GRAP2: variants seen among roughly 807,000 people sequenced by gnomAD.
The protein encoded by GRAP2 is GRB2 related adaptor protein 2.
In GRAP2, 31 loss-of-function variants were observed where a neutral mutation model predicts 43.5. The ratio of observed to expected loss-of-function variants is 0.71; its 90% confidence interval spans 0.54 to 0.96. The LOEUF (loss-of-function observed/expected upper bound fraction) is 0.96, where lower values mean the gene tolerates loss of function less well. Ranked by LOEUF, GRAP2 falls within the 40% of genes least tolerant of loss-of-function variation. GRAP2 has a pLI of 0.00. For synonymous variants in GRAP2, 156 were observed against 164.8 expected (o/e 0.95, Z 0.41); for missense variants, 371 against 424.4 (o/e 0.87, Z 1.11).
At chr22:39,896,209 TC>T (rs1328509690), upstream of GRAP2, among the ~76,000 whole-genome samples, 1 of 152,202 alleles carries the variant, frequency 6.6e-6, no homozygotes, top group Non-Finnish European at 1.5e-5. Context: ...TTCTGATAGT[TC>T]AGGCAATAAG....
chr22:39,971,415 A>T lies in GRAP2; in HGVS notation c.*331A>T, dbSNP rs1471918591. 1 of 298,772 alleles carries T rather than the reference A, an allele frequency of 3.3e-6. No homozygotes were observed. The highest frequency in any genetic ancestry group is 6.1e-6 in the Non-Finnish European group (1 of 162,834). 18.5% of individuals were successfully genotyped at this position (298,772 alleles called of 1,614,324 possible). The stretch of plus-strand genomic sequence containing the variant: ...TCACTGCTTCCTCCTTGTCTTGGGA[A>T]TTTTCACGGAGAACAGCTAAGCAGA... On this transcript the variant is annotated 3_prime_UTR_variant, in exon 8 of 8. Transcript: ENST00000344138.
rs143987008 is a variant in GRAP2 at position 39,970,757 on chromosome 22, C to CA, written c.814-141dup. 4.2e-3 allele frequency: 2,736 copies of CA among 647,974 alleles called. 58 individuals are homozygous for CA. In the African/African-American group the frequency reaches 0.046, roughly 11 times the overall value. 40.1% of individuals were successfully genotyped at this position (647,974 alleles called of 1,614,324 possible). A position where few individuals can be genotyped will look rare whatever the true frequency, so the allele number is the denominator to read the frequency against. ...GCAACATAGCAAGACCCCATCTCTA[C>CA]AAAAAAAGTTTTTTTAAGCTGCAGA... On this transcript the variant is annotated intron_variant, in intron 7 of 7. Transcript: ENST00000344138.
chr22:39,954,200 G>C (rs1197528750), intron 2 of GRAP2, among the ~76,000 whole-genome samples: 1 of 152,116 alleles, frequency 6.6e-6, no homozygotes, highest in Non-Finnish European at 1.5e-5. Context: ...TATCAGTTAA[G>C]ATATTTTCAG....
chr22:39,961,656 A>T (rs1374271613), intron 4 of GRAP2, among the ~76,000 whole-genome samples: 4 of 152,234 alleles, frequency 2.6e-5, no homozygotes, highest in Admixed American at 2.6e-4. Flanking sequence ...TGTGGTCAGC[A>T]TGTTGAGGAT....
chr22:39,967,872 T>A (rs1054045584), intron 5 of GRAP2, among the ~76,000 whole-genome samples, 170 bp from the exon 6 acceptor site: 9 of 152,200 alleles, frequency 5.9e-5, no homozygotes, highest in Admixed American at 4.6e-4. Flanking sequence ...AGAGGCCACT[T>A]TGGAAAATGT....
At chr22:39,915,948 A>G (rs1251450353) in intron 1 of GRAP2, among the ~76,000 whole-genome samples, 1 of 152,158 alleles carries the variant, frequency 6.6e-6, no homozygotes, top group Non-Finnish European at 1.5e-5. Context: ...AGCTGAGAGC[A>G]TACACTCTCT....
At chr22:39,911,490 C>CT (rs1353292012) in intron 1 of GRAP2, among the ~76,000 whole-genome samples, 4 of 151,956 alleles carry the variant, frequency 2.6e-5, no homozygotes, top group Non-Finnish European at 5.9e-5. Flanking sequence ...CTTTAAAAGA[C>CT]TTACCAAGCT....
chr22:39,967,013 C>T (rs2067181824), intron 5 of GRAP2, among the ~76,000 whole-genome samples: 1 of 150,252 alleles, frequency 6.7e-6, no homozygotes, highest in Non-Finnish European at 1.5e-5. Flanking sequence ...CACACACACA[C>T]ACCAATTTAT....
chr22:39,913,668 C>T (rs1165756176), intron 1 of GRAP2, among the ~76,000 whole-genome samples: 1 of 152,202 alleles, frequency 6.6e-6, no homozygotes, highest in African/African-American at 2.4e-5. Context: ...AGGCCAGTGA[C>T]AGTGGCCACT....
At chr22:39,948,039 A>T (rs137992) in intron 2 of GRAP2, 2 of 151,396 alleles carry the variant, frequency 1.3e-5, no homozygotes, top group Admixed American at 6.6e-5. Flanking sequence ...CAGCAGTCCC[A>T]ATGAGCCTTC....
chr22:39,947,411 G>A (rs1052254686), intron 2 of GRAP2: 4 of 537,144 alleles, frequency 7.4e-6, no homozygotes, highest in Non-Finnish European at 1.0e-5. Flanking sequence ...AGTCTGGAGA[G>A]GGGAACACAT....
intron 1 of GRAP2, among the ~76,000 whole-genome samples, chr22:39,917,325 G>A (rs1451238466): frequency 6.6e-6 from 1 of 152,126 alleles, no homozygotes; most frequent in Middle Eastern, 3.2e-3. Context: ...ATGCAGCACA[G>A]TCCTGGCACA....
rs1027456427 is a variant in GRAP2, at chr22:39,949,574, G to A, written c.78+2390G>A. Among the ~76,000 whole-genome samples, 4 of 152,144 alleles carry A rather than the reference G, an allele frequency of 2.6e-5. No individual in the cohort carries two copies. The East Asian group carries it at 7.7e-4, about 29-fold the overall frequency. ...TCTTCTTCACCAGAAAGGAGTGTGAGGCAGTAAAAAGGAGCATAGACTTTG... is the reference window on the plus strand; with the variant it reads ...TCTTCTTCACCAGAAAGGAGTGTGAAGCAGTAAAAAGGAGCATAGACTTTG... On this transcript the variant is annotated intron_variant, in intron 2 of 7. Coordinates refer to ENST00000344138, the MANE Select transcript of GRAP2 (RefSeq NM_004810.4).
the GRAP2 span, among the ~76,000 whole-genome samples, chr22:39,894,461 A>C: frequency 6.6e-6 from 1 of 151,586 alleles, no homozygotes; most frequent in East Asian, 1.9e-4. Context: ...AGATATACCT[A>C]ATGCTAGATG....
intron 3 of GRAP2, among the ~76,000 whole-genome samples, chr22:39,957,508 T>G (rs1205820228): frequency 6.6e-6 from 1 of 152,190 alleles, no homozygotes; most frequent in Admixed American, 6.5e-5. Context: ...CTGTCACTGC[T>G]TCTAGCAGAA....
intron 4 of GRAP2, chr22:39,960,479 G>A: frequency 6.5e-6 from 2 of 307,024 alleles, no homozygotes; most frequent in Non-Finnish European, 1.2e-5. Flanking sequence ...CTTTAACAGT[G>A]TCTTGCATAA....
At chr22:39,897,930 A>G (rs1943950258), upstream of GRAP2, among the ~76,000 whole-genome samples, 1 of 152,178 alleles carries the variant, frequency 6.6e-6, no homozygotes, top group South Asian at 2.1e-4. Flanking sequence ...AAGTCAGATC[A>G]TACTACTCCC....
Position 39,956,854 on chromosome 22 carries a change from G to T in GRAP2, c.170+944G>T, listed in dbSNP as rs556166594. On this transcript the variant is annotated intron_variant, in intron 3 of 7. Coordinates refer to ENST00000344138, the MANE Select transcript of GRAP2 (RefSeq NM_004810.4). ...CGGCGTTCCCCAGAATTCCAAAGGGGACGCTATTGGCCACCCCACTTCGGG... is the reference window on the plus strand; with the variant it reads ...CGGCGTTCCCCAGAATTCCAAAGGGTACGCTATTGGCCACCCCACTTCGGG... 4.6e-5 allele frequency among the ~76,000 whole-genome samples: 7 copies of T among 152,226 alleles called. No homozygotes were observed. In the South Asian group the frequency reaches 1.5e-3, roughly 32 times the overall value.
chr22:39,954,524 A>G (rs528560277), intron 2 of GRAP2, among the ~76,000 whole-genome samples: 1 of 152,248 alleles, frequency 6.6e-6, no homozygotes, highest in East Asian at 1.9e-4. Flanking sequence ...CCTCCCGAGT[A>G]GCTGGGATTA....
Sources: gnomAD v4.1 joint callset for allele counts (sites outside exome capture counted in the v4.1 genomes callset) on GRCh38, gnomAD v4.1.1 for gene constraint, MANE v1.5 for transcripts, NCBI Gene and HGNC (gene_info 2026-07-23, HGNC 2026-07-21) for gene names.